Variants in ACAN observed in about 807,000 individuals in gnomAD.
ACAN encodes the protein aggrecan, also known as aggrecan core protein.
Under a neutral mutation model 169.1 loss-of-function variants are expected in ACAN, and 47 were observed. The observed-to-expected ratio is 0.28, with a 90% CI of 0.22 to 0.35. ACAN has a LOEUF of 0.35. Among genes scored for constraint, ACAN ranks in the 10% least tolerant of loss-of-function variants. ACAN has a pLI of 1.00. For synonymous variants in ACAN, 1,115 were observed against 1,112.2 expected (o/e 1.00, Z -0.05); for missense variants, 2,716 against 2,759.9 (o/e 0.98, Z 0.36).
intron 1 of ACAN, 111 bp from the exon 2 acceptor site, chr15:88,836,089 T>A: frequency 1.4e-6 from 1 of 730,406 alleles, no homozygotes; most frequent in Non-Finnish European, 2.4e-6. Flanking sequence ...CTGGAGATGA[T>A]TCCAGGTCCT....
chr15:88,842,196 C>T (rs1896678642), intron 5 of ACAN, among the ~76,000 whole-genome samples: 1 of 152,198 alleles, frequency 6.6e-6, no homozygotes, highest in Admixed American at 6.5e-5. Flanking sequence ...CATCCCTGTT[C>T]TAAGGTCCAC....
At chr15:88,860,865 T>C (rs1288077662) in intron 13 of ACAN, among the ~76,000 whole-genome samples, 1 of 152,152 alleles carries the variant, frequency 6.6e-6, no homozygotes, top group Non-Finnish European at 1.5e-5. Context: ...GTTGCCTCCA[T>C]GCTTGGGTCT....
Position 88,839,079 on chromosome 15 carries a change from C to T in ACAN, c.454+33C>T. The T allele has an allele frequency of 1.9e-6, 3 of 1,593,880 alleles. No individual in the cohort carries two copies. Among genetic ancestry groups the T allele is most frequent in the Non-Finnish European group, 2.5e-6 (3 of 1,176,730 alleles). On this transcript the variant is annotated intron_variant, in intron 3 of 18. Transcript: ENST00000560601. This position sits in a 1 kb window ranked among gnomAD's most constrained non-coding sequence, Gnocchi z 4.5. ...CCTCCCACAGGGACAGACGCTGCTT[C>T]ACCCACATAAAGAACCAGAGCAGTC...
At chr15:88,865,899 T>G (rs1370257198) in intron 13 of ACAN, among the ~76,000 whole-genome samples, 1 of 152,180 alleles carries the variant, frequency 6.6e-6, no homozygotes, top group Non-Finnish European at 1.5e-5. Flanking sequence ...TGCCTGCTGC[T>G]GAAGATGCTG....
Position 88,871,145 on chromosome 15 carries a change from C to T in ACAN, c.7061-237C>T, listed in dbSNP as rs9920510. Among the ~76,000 whole-genome samples the T allele has an allele frequency of 0.015, 2,321 of 151,988 alleles. 71 individuals carry two copies. Among genetic ancestry groups the T allele is most frequent in the African/African-American group, 0.054 (2,228 of 41,446 alleles). On this transcript the variant is annotated intron_variant, in intron 14 of 18. Transcript: ENST00000560601. This position sits in a 1 kb window ranked among gnomAD's most constrained non-coding sequence, Gnocchi z 7.8. ...CTTGGGAGAGGGTGAGGGGGGAGGG[C>T]GTGGCATCAGGGAAGGAAAGGGCCC...
intron 1 of ACAN, among the ~76,000 whole-genome samples, chr15:88,811,024 G>A (rs1202310739): frequency 2.0e-5 from 3 of 152,184 alleles, no homozygotes; most frequent in African/African-American, 4.8e-5. Context: ...AGAAGGTCAT[G>A]GCCAGCTTCT....
At chr15:88,825,854 C>T (rs1365924835) in intron 1 of ACAN, among the ~76,000 whole-genome samples, 4 of 152,222 alleles carry the variant, frequency 2.6e-5, no homozygotes, top group Non-Finnish European at 5.9e-5. Flanking sequence ...AAAGCTCACA[C>T]AGGCCTTCGG....
At position 88,858,937 on chromosome 15, in the gene ACAN, G is replaced by A. The variant is rs1315959906; in HGVS notation, c.6352G>A (p.Glu2118Lys). 1 of 1,610,626 alleles carries A rather than the reference G, an allele frequency of 6.2e-7. No homozygotes were observed. Among genetic ancestry groups the A allele is most frequent in the Non-Finnish European group, 8.5e-7 (1 of 1,177,476 alleles). Residue 2118 changes from glutamate (E) to lysine (K), a missense_variant, in exon 12 of 19, where the codon GAG (glutamate) becomes AAG (lysine). Glu to Lys is a moderately conservative substitution (Grantham distance 56). This residue lies in a region of ACAN where 1,389 missense variants were observed against 1,363.7 expected (regional missense o/e 1.02). Coordinates refer to ENST00000560601, the MANE Select transcript of ACAN (RefSeq NM_001369268.1). This position sits in a 1 kb window ranked among gnomAD's most constrained non-coding sequence, Gnocchi z 4.0. ...EAGFGASAAP[E>K]ASREDSGSPD... Reference sequence around the variant, plus strand: ...TGGGTTCGGGGCATCTGCCGCCCCTGAGGCCAGCAGAGAAGATTCTGGGTC... The same window carrying A: ...TGGGTTCGGGGCATCTGCCGCCCCTAAGGCCAGCAGAGAAGATTCTGGGTC...
rs865839735 is a variant in ACAN at position 88,817,866 on chromosome 15, A to G, written c.-8+14057A>G. ...GAGACTCTGAAAAAAAAAAAAAAAA[A>G]AAAGAAAGAAAGGGAAAAGGAAAAA... On this transcript the variant is annotated intron_variant, in intron 1 of 18. Transcript: ENST00000560601. Among the ~76,000 whole-genome samples, 732 of 150,848 alleles carry G rather than the reference A, an allele frequency of 4.9e-3. 7 individuals are homozygous for G. Among genetic ancestry groups the G allele is most frequent in the African/African-American group, 0.013 (545 of 41,172 alleles).
intron 11 of ACAN, among the ~76,000 whole-genome samples, chr15:88,853,299 T>C (rs1282750518): frequency 6.6e-6 from 1 of 152,162 alleles, no homozygotes; most frequent in Non-Finnish European, 1.5e-5. Context: ...ATTTGCACTA[T>C]CATTTGCTCC....
In ACAN at chr15:88,861,250, T is replaced by G. The variant is rs1897187901; in HGVS notation, c.6946+811T>G. Among the ~76,000 whole-genome samples the G allele has an allele frequency of 6.6e-6, 1 of 152,130 alleles. No homozygotes were observed. Among genetic ancestry groups the G allele is most frequent in the South Asian group, 2.1e-4 (1 of 4,816 alleles). ...TCATTAGTTCTCCCACTAACCCCAG[T>G]GCCCTTATCCCCAGCCTCCCTCCTA... On this transcript the variant is annotated intron_variant, in intron 13 of 18. Transcript: ENST00000560601. The surrounding 1 kb of genome is among the most constrained non-coding windows in gnomAD (Gnocchi z 6.3).
At chr15:88,864,553 C>T (rs893398515) in intron 13 of ACAN, among the ~76,000 whole-genome samples, 3 of 152,192 alleles carry the variant, frequency 2.0e-5, no homozygotes, top group African/African-American at 7.2e-5. Context: ...GTGTGAGCCA[C>T]CGCGCTGGGC....
intron 10 of ACAN, chr15:88,850,978 C>A (rs1189149520): frequency 2.0e-5 from 3 of 151,992 alleles, no homozygotes; most frequent in African/African-American, 7.3e-5. Flanking sequence ...GTTCAGCCAG[C>A]CTCAATAAGT....
chr15:88,825,547 A>G (rs1464343174), intron 1 of ACAN, among the ~76,000 whole-genome samples: 1 of 152,182 alleles, frequency 6.6e-6, no homozygotes, highest in Admixed American at 6.5e-5. Context: ...TTATCTCCCA[A>G]GAGGCTTGAG....
At chr15:88,812,568 G>A (rs1895847028) in intron 1 of ACAN, among the ~76,000 whole-genome samples, 1 of 152,008 alleles carries the variant, frequency 6.6e-6, no homozygotes, top group Admixed American at 6.5e-5. Flanking sequence ...ACTTCCTTCA[G>A]GACTTTTGCC....
In ACAN at chr15:88,873,744, G is replaced by A. The variant is rs1394249036; in HGVS notation, c.7448-98G>A. ...AAACGTCCAGGGCTCACTGTCAGAT[G>A]TTGAGGCTGTGTCCCCCACAGTGCC... On this transcript the variant is annotated intron_variant, in intron 17 of 18. Coordinates refer to ENST00000560601, the MANE Select transcript of ACAN (RefSeq NM_001369268.1). This position sits in a 1 kb window ranked among gnomAD's most constrained non-coding sequence, Gnocchi z 7.5. The A allele has an allele frequency of 1.2e-5, 16 of 1,308,976 alleles. No individual in the cohort carries two copies. The highest frequency in any genetic ancestry group is 1.6e-5 in the Non-Finnish European group (15 of 944,508). The allele number at this position is 1,308,976 out of a possible 1,614,324, so 81.1% of individuals were successfully genotyped here.
intron 1 of ACAN, among the ~76,000 whole-genome samples, chr15:88,827,588 T>C (rs1896256091): frequency 6.6e-6 from 1 of 152,086 alleles, no homozygotes; most frequent in African/African-American, 2.4e-5. Flanking sequence ...TAGCACCCAT[T>C]AGTTGGGTGG....
rs139960230 is a variant in ACAN at position 88,833,531 on chromosome 15, G to A, written c.-7-2669G>A. On this transcript the variant is annotated intron_variant, in intron 1 of 18. Coordinates refer to ENST00000560601, the MANE Select transcript of ACAN (RefSeq NM_001369268.1). ...CAGGGCTGCCAAAGTCAGTCTTCTC[G>A]CATAAAAGGCTCAGTGAGTCCTGGA... Among the ~76,000 whole-genome samples the A allele has an allele frequency of 5.8e-3, 880 of 152,176 alleles. 39 individuals are homozygous for A. The highest frequency in any genetic ancestry group is 0.052 in the Admixed American group (802 of 15,282).
chr15:88,871,237 C>A lies in ACAN; in HGVS notation c.7061-145C>A. On this transcript the variant is annotated intron_variant, in intron 14 of 18. Transcript: ENST00000560601. The surrounding 1 kb of genome is among the most constrained non-coding windows in gnomAD (Gnocchi z 7.8). ...GGACCAGACCAGTTTCCAACCTGAA[C>A]TCCTCCAGCTGTGCCTCTCCCTTCC... 2 of 1,173,464 alleles carry A rather than the reference C, an allele frequency of 1.7e-6. No homozygotes were observed. The highest frequency in any genetic ancestry group is 2.4e-6 in the Non-Finnish European group (2 of 840,198). 72.7% of individuals were successfully genotyped at this position (1,173,464 alleles called of 1,614,324 possible). A position where few individuals can be genotyped will look rare whatever the true frequency, so the allele number is the denominator to read the frequency against.
Sources: gnomAD v4.1 joint callset for allele counts (sites outside exome capture counted in the v4.1 genomes callset) on GRCh38, gnomAD v4.1.1 for gene constraint, gnomAD v4.1.1 regional missense constraint, Gnocchi (gnomAD v3.1) non-coding constraint, MANE v1.5 for transcripts, NCBI Gene and HGNC (gene_info 2026-07-23, HGNC 2026-07-21) for gene names.